Variants in PIK3R5 observed in about 807,000 individuals in gnomAD.
The protein encoded by PIK3R5 is phosphoinositide-3-kinase regulatory subunit 5, also known as phosphoinositide 3-kinase regulatory subunit 5.
A neutral mutation model predicts 94.9 loss-of-function variants in PIK3R5; 32 were observed. The observed-to-expected ratio is 0.34, with a 90% CI of 0.25 to 0.45. The LOEUF (loss-of-function observed/expected upper bound fraction) is 0.45. PIK3R5 is among the 20% of genes least tolerant of loss of function. PIK3R5 has a pLI of 1.00. For synonymous variants in PIK3R5, 443 were observed against 479.4 expected (o/e 0.92, Z 0.99); for missense variants, 853 against 1,144.6 (o/e 0.75, Z 3.68).
rs1224806697 is a variant in PIK3R5 at position 8,886,221 on chromosome 17, G to C, written c.2128+8C>G. The stretch of plus-strand genomic sequence containing the variant: ...CTCACCGTCTGTCTCTGCTCAGGCA[G>C]TACCCACCTGACGCCTTGATGGCAC... On this transcript the variant is annotated splice_region_variant and intron_variant, in intron 14 of 18. Transcript: ENST00000447110. The C allele has an allele frequency of 6.2e-7, 1 of 1,606,352 alleles. No homozygotes were observed. Among genetic ancestry groups the C allele is most frequent in the Admixed American group, 1.7e-5 (1 of 60,016 alleles).
chr17:8,944,737 T>G (rs2091244763), intron 1 of PIK3R5, among the ~76,000 whole-genome samples: 1 of 152,160 alleles, frequency 6.6e-6, no homozygotes, highest in South Asian at 2.1e-4. Flanking sequence ...CTAACGGAAG[T>G]ACCAGGACAC....
intron 1 of PIK3R5, among the ~76,000 whole-genome samples, chr17:8,919,509 G>T (rs545924334): frequency 6.6e-6 from 1 of 152,218 alleles, no homozygotes; most frequent in Admixed American, 6.5e-5. Flanking sequence ...CTCTGTGGGG[G>T]ATTTAAGGGC....
chr17:8,885,879 T>C (rs441717), intron 14 of PIK3R5, among the ~76,000 whole-genome samples: 1,711 of 33,500 alleles, frequency 0.051, 157 homozygotes, highest in African/African-American at 0.2. Flanking sequence ...CCCATGGCCC[T>C]GCCTCCCGGT....
chr17:8,939,608 T>A (rs2091137792), intron 1 of PIK3R5, among the ~76,000 whole-genome samples: 1 of 152,148 alleles, frequency 6.6e-6, no homozygotes, highest in Non-Finnish European at 1.5e-5. Context: ...ACATCTGGAT[T>A]TCTGTTGGTG....
rs531368109 is a variant in PIK3R5, at chr17:8,888,335, G to A, written c.1452C>T (p.Leu484=). ...QRSRSLPQPK[L]GTQLPSWLLA... Reference sequence around the variant, plus strand: ...GAAGCCAGCTGGGCAGCTGGGTACCGAGTTTGGGCTGGGGCAGGGAGCGGG... The same window carrying A: ...GAAGCCAGCTGGGCAGCTGGGTACCAAGTTTGGGCTGGGGCAGGGAGCGGG... The change falls in exon 10 of 19, where the codon CTC becomes CTT. Residue 484 remains leucine, a synonymous_variant. Coordinates refer to ENST00000447110, the MANE Select transcript of PIK3R5 (RefSeq NM_001142633.3). This position sits in a 1 kb window ranked among gnomAD's most constrained non-coding sequence, Gnocchi z 7.8. The A allele has an allele frequency of 3.3e-5, 54 of 1,612,500 alleles. No individual in the cohort carries two copies. In the East Asian group the frequency reaches 5.4e-4, roughly 16 times the overall value.
intron 5 of PIK3R5, among the ~76,000 whole-genome samples, chr17:8,903,595 T>C (rs2090336665): frequency 6.6e-6 from 1 of 151,730 alleles, no homozygotes; most frequent in South Asian, 2.1e-4. Flanking sequence ...TCCTAACACC[T>C]GGTCTCGTTA....
Position 8,909,969 on chromosome 17 carries a change from G to A in PIK3R5, c.104-795C>T, listed in dbSNP as rs1404372990. Among the ~76,000 whole-genome samples the A allele has an allele frequency of 6.6e-6, 1 of 152,254 alleles. No individual in the cohort carries two copies. Among genetic ancestry groups the A allele is most frequent in the East Asian group, 1.9e-4 (1 of 5,202 alleles). ...GGAGCTTCCCAGGAATGGCAATGGAGCCCAGGAAGGGGAAGCTAAACGAGT... is the reference window on the plus strand; with the variant it reads ...GGAGCTTCCCAGGAATGGCAATGGAACCCAGGAAGGGGAAGCTAAACGAGT... On this transcript the variant is annotated intron_variant, in intron 2 of 18. Transcript: ENST00000447110. This position sits in a 1 kb window ranked among gnomAD's most constrained non-coding sequence, Gnocchi z 4.3.
chr17:8,961,004 T>A (rs2091553665), intron 1 of PIK3R5, among the ~76,000 whole-genome samples: 1 of 152,126 alleles, frequency 6.6e-6, no homozygotes, highest in Admixed American at 6.5e-5. Flanking sequence ...GCCAGGTCAC[T>A]GGTCCCCCTG....
rs2089623452 is a variant in PIK3R5, at chr17:8,880,361, C to G, written c.*278G>C. 1.7e-5 allele frequency: 6 copies of G among 351,340 alleles called. No homozygotes were observed. The highest frequency in any genetic ancestry group is 7.2e-4 in the Middle Eastern group (1 of 1,388). 21.8% of individuals were successfully genotyped at this position (351,340 alleles called of 1,614,324 possible). ...AAGGATCCTAGACCATGCTAATGGT[C>G]AGGGACTTCAGAGGTCAATTTACCC... On this transcript the variant is annotated 3_prime_UTR_variant, in exon 19 of 19. Coordinates refer to ENST00000447110, the MANE Select transcript of PIK3R5 (RefSeq NM_001142633.3).
At position 8,881,744 on chromosome 17, in the gene PIK3R5, G is replaced by C. The variant is rs2089667381; in HGVS notation, c.2300-32C>G. Reference sequence around the variant, plus strand: ...GGCAAGGACACTCAGGCCAGGCTCAGAGCACCTCCCTACTGCACACCCCAC... The same window carrying C: ...GGCAAGGACACTCAGGCCAGGCTCACAGCACCTCCCTACTGCACACCCCAC... On this transcript the variant is annotated intron_variant, in intron 16 of 18. Coordinates refer to ENST00000447110, the MANE Select transcript of PIK3R5 (RefSeq NM_001142633.3). This position sits in a 1 kb window ranked among gnomAD's most constrained non-coding sequence, Gnocchi z 4.8. The C allele has an allele frequency of 6.2e-7, 1 of 1,613,046 alleles. No individual in the cohort carries two copies. The highest frequency in any genetic ancestry group is 1.7e-5 in the Admixed American group (1 of 59,972).
intron 1 of PIK3R5, among the ~76,000 whole-genome samples, chr17:8,952,338 A>G (rs1315665239): frequency 1.3e-5 from 2 of 152,236 alleles, no homozygotes; most frequent in African/African-American, 4.8e-5. Flanking sequence ...TTACTATGCC[A>G]TTTAGTTACA....
intron 1 of PIK3R5, among the ~76,000 whole-genome samples, chr17:8,931,987 C>T (rs184373758): frequency 7.6e-4 from 116 of 152,240 alleles, no homozygotes; most frequent in Non-Finnish European, 1.1e-3. Flanking sequence ...AAAATCCAGA[C>T]GCTCAACAGT....
chr17:8,904,935 C>T lies in PIK3R5; in HGVS notation c.274-20G>A. Reference sequence around the variant, plus strand: ...TGGTGTCTAGGATGGAGGCAGGCAACAAGCAAAGAGATCTAGGTGAGAAAA... The same window carrying T: ...TGGTGTCTAGGATGGAGGCAGGCAATAAGCAAAGAGATCTAGGTGAGAAAA... On this transcript the variant is annotated intron_variant, in intron 4 of 18. Coordinates refer to ENST00000447110, the MANE Select transcript of PIK3R5 (RefSeq NM_001142633.3). The surrounding 1 kb of genome is among the most constrained non-coding windows in gnomAD (Gnocchi z 5.1). The T allele has an allele frequency of 6.2e-7, 1 of 1,609,822 alleles. No individual in the cohort carries two copies.
intron 1 of PIK3R5, among the ~76,000 whole-genome samples, chr17:8,958,655 G>A (rs902075590): frequency 1.3e-5 from 2 of 152,180 alleles, no homozygotes; most frequent in African/African-American, 4.8e-5. Flanking sequence ...GAACTTGGGA[G>A]GTTGCAGACT....
chr17:8,921,525 A>C (rs758686855), intron 1 of PIK3R5, among the ~76,000 whole-genome samples: 8 of 152,246 alleles, frequency 5.3e-5, no homozygotes, highest in Non-Finnish European at 7.3e-5. Flanking sequence ...GGTCATACCA[A>C]AGAACAGAGT....
intron 1 of PIK3R5, among the ~76,000 whole-genome samples, chr17:8,934,666 G>A (rs574065242): frequency 1.3e-5 from 2 of 152,272 alleles, no homozygotes; most frequent in South Asian, 4.1e-4. Context: ...ATTTGCTCTA[G>A]GGCTACAGTA....
chr17:8,924,156 G>A (rs927445995), intron 1 of PIK3R5, among the ~76,000 whole-genome samples: 3 of 148,264 alleles, frequency 2.0e-5, no homozygotes, highest in African/African-American at 7.5e-5. Flanking sequence ...ATACCTCACT[G>A]CAGCCTTGAC....
chr17:8,910,904 G>A (rs527389148), intron 2 of PIK3R5, among the ~76,000 whole-genome samples: 4 of 152,236 alleles, frequency 2.6e-5, no homozygotes, highest in African/African-American at 4.8e-5. Context: ...GCAACTGCCC[G>A]GGACTGCGGA....
chr17:8,954,180 C>T (rs2091428141), intron 1 of PIK3R5, among the ~76,000 whole-genome samples: 1 of 152,202 alleles, frequency 6.6e-6, no homozygotes, highest in Admixed American at 6.5e-5. Flanking sequence ...CTAGAGATTT[C>T]CACATTAGAC....
Sources: gnomAD v4.1 joint callset for allele counts (sites outside exome capture counted in the v4.1 genomes callset) on GRCh38, gnomAD v4.1.1 for gene constraint, Gnocchi (gnomAD v3.1) non-coding constraint, MANE v1.5 for transcripts, NCBI Gene and HGNC (gene_info 2026-07-23, HGNC 2026-07-21) for gene names.